The following PWWP2B variants were observed in gnomAD, a reference collection of about 807,000 sequenced individuals.
PWWP2B encodes PWWP domain-containing protein 2B.
A neutral mutation model predicts 15.5 loss-of-function variants in PWWP2B; 9 were observed. The ratio of observed to expected loss-of-function variants is 0.58; its 90% CI spans 0.35 to 1.02. The LOEUF is 1.02. PWWP2B is among the 50% of genes least tolerant of loss of function. The pLI, the probability that PWWP2B is intolerant of heterozygous loss-of-function variation, is 0.02. For missense variants in PWWP2B, 864 were observed against 865.3 expected (o/e 1.00, Z 0.02); for synonymous variants, 474 against 403.6 (o/e 1.17, Z -2.09).
chr10:132,405,348 A>G lies in PWWP2B; in HGVS notation c.848A>G (p.Gln283Arg). 2 of 1,611,630 alleles carry G rather than the reference A, an allele frequency of 1.2e-6. No individual in the cohort carries two copies. The highest frequency in any genetic ancestry group is 1.7e-6 in the Non-Finnish European group (2 of 1,179,318). Reference sequence around the variant, plus strand: ...GGCTCTCTGGAGCCCTTCCGTCCCCAGCAGGCCCCGCAGGACGACGGCAGC... The same window carrying G: ...GGCTCTCTGGAGCCCTTCCGTCCCCGGCAGGCCCCGCAGGACGACGGCAGC... ...VHGSLEPFRP[Q>R]QAPQDDGSQD... is the part of the protein sequence containing the mutation. The change falls in exon 2 of 3, where the codon CAG becomes CGG. Residue 283 changes from glutamine (Q) to arginine (R), a missense_variant. Gln to Arg is a conservative substitution (Grantham distance 43). This residue lies in a region of PWWP2B where 736 missense variants were observed against 687.7 expected (regional missense o/e 1.07). Transcript: ENST00000305233.
At chr10:132,415,463 G>A (rs1001595033) in intron 2 of PWWP2B, among the ~76,000 whole-genome samples, 94 of 109,398 alleles carry the variant, frequency 8.6e-4, no homozygotes, top group Non-Finnish European at 1.0e-3. Context: ...ACTCACACAC[G>A]CACTCTCACA....
In PWWP2B at chr10:132,406,017, C is replaced by T. The variant is rs768043921; in HGVS notation, c.1517C>T (p.Ala506Val). 1.2e-6 allele frequency: 2 copies of T among 1,613,714 alleles called. No homozygotes were observed. Among genetic ancestry groups the T allele is most frequent in the Non-Finnish European group, 1.7e-6 (2 of 1,180,020 alleles). The change falls in exon 2 of 3, where the codon GCG (alanine) becomes GTG (valine). Residue 506 changes from alanine (A) to valine (V), a missense_variant. Coordinates refer to ENST00000305233, the MANE Select transcript of PWWP2B (RefSeq NM_138499.4). ...GKIHGFPWWP[A>V]RVLDISLGQK... ...ATCCATGGTTTTCCTTGGTGGCCGGCGCGTGTTCTTGACATCAGTCTCGGC... is the reference window on the plus strand; with the variant it reads ...ATCCATGGTTTTCCTTGGTGGCCGGTGCGTGTTCTTGACATCAGTCTCGGC...
chr10:132,415,366 TCA>T (rs1228914366), intron 2 of PWWP2B, among the ~76,000 whole-genome samples: 7 of 130,598 alleles, frequency 5.4e-5, no homozygotes, highest in Non-Finnish European at 9.8e-5. Flanking sequence ...CCACTCACTG[TCA>T]CACACGTCAC....
intron 2 of PWWP2B, among the ~76,000 whole-genome samples, chr10:132,415,529 A>T (rs1590767933): frequency 1.3e-5 from 2 of 150,174 alleles, no homozygotes; most frequent in African/African-American, 2.5e-5. Context: ...ATCCACTGTC[A>T]CACACACGCA....
intron 1 of PWWP2B, among the ~76,000 whole-genome samples, chr10:132,402,218 T>A (rs2069623969): frequency 6.6e-6 from 1 of 152,240 alleles, no homozygotes; most frequent in Non-Finnish European, 1.5e-5. Context: ...GCTCCGTTTG[T>A]GGGGCCTCCT....
intron 1 of PWWP2B, 69 bp downstream of exon 1, chr10:132,397,420 C>T: frequency 8.7e-7 from 1 of 1,148,698 alleles, no homozygotes. Flanking sequence ...CGCCCGGAGA[C>T]CCGGGACCCG....
At position 132,402,989 on chromosome 10, in the gene PWWP2B, C is replaced by T. The variant is rs550353786; in HGVS notation, c.126-1637C>T. Reference sequence around the variant, plus strand: ...ACCTGGCTGGGACTGGTGAGGGCACCGCCCGGGACTGGCCTCCCTTTCTCG... The same window carrying T: ...ACCTGGCTGGGACTGGTGAGGGCACTGCCCGGGACTGGCCTCCCTTTCTCG... On this transcript the variant is annotated intron_variant, in intron 1 of 2. Coordinates refer to ENST00000305233, the MANE Select transcript of PWWP2B (RefSeq NM_138499.4). Among the ~76,000 whole-genome samples the T allele has an allele frequency of 8.5e-5, 13 of 152,366 alleles. 1 individual carries two copies. The highest frequency in any genetic ancestry group is 7.8e-4 in the Admixed American group (12 of 15,312).
At chr10:132,407,528 C>A (rs555225961) in intron 2 of PWWP2B, among the ~76,000 whole-genome samples, 100 of 152,318 alleles carry the variant, frequency 6.6e-4, no homozygotes, top group Non-Finnish European at 1.2e-3. Flanking sequence ...CTGCACCCTG[C>A]GTATTGGGGT....
In PWWP2B at chr10:132,405,511, C is replaced by G; in HGVS notation, c.1011C>G (p.Pro337=). The change falls in exon 2 of 3, where the codon CCC becomes CCG. Residue 337 remains proline (P), a synonymous_variant. Transcript: ENST00000305233. ...DLPPPKIRLK[P]HRLGDSEHEP... Reference sequence around the variant, plus strand: ...CGCCCCCTAAGATCCGCCTGAAGCCCCACCGTCTGGGGGACAGCGAGCACG... The same window carrying G: ...CGCCCCCTAAGATCCGCCTGAAGCCGCACCGTCTGGGGGACAGCGAGCACG... 1 of 1,603,906 alleles carries G rather than the reference C, an allele frequency of 6.2e-7. No individual in the cohort carries two copies. Among genetic ancestry groups the G allele is most frequent in the Non-Finnish European group, 8.5e-7 (1 of 1,179,406 alleles).
At chr10:132,397,584 G>C (rs923033638) in intron 1 of PWWP2B, among the ~76,000 whole-genome samples, 1 of 148,948 alleles carries the variant, frequency 6.7e-6, no homozygotes, top group Admixed American at 6.6e-5. Flanking sequence ...GCCGGGGCGG[G>C]CCGGGGCGGG....
At position 132,405,519 on chromosome 10, in the gene PWWP2B, T is replaced by C. The variant is rs2069683587; in HGVS notation, c.1019T>C (p.Leu340Pro). Residue 340 changes from leucine to proline, a missense_variant, in exon 2 of 3, where the codon CTG becomes CCG. Leu to Pro is a moderately conservative substitution (Grantham distance 98). This residue lies in a region of PWWP2B where 736 missense variants were observed against 687.7 expected (regional missense o/e 1.07). Transcript: ENST00000305233. ...AAGATCCGCCTGAAGCCCCACCGTC[T>C]GGGGGACAGCGAGCACGAGCCCGTG... Reference protein sequence around the residue: ...PPKIRLKPHRLGDSEHEPVYR... With the variant: ...PPKIRLKPHRPGDSEHEPVYR... 1 of 1,603,648 alleles carries C rather than the reference T, an allele frequency of 6.2e-7. No individual in the cohort carries two copies. The highest frequency in any genetic ancestry group is 8.5e-7 in the Non-Finnish European group (1 of 1,179,262).
Position 132,404,957 on chromosome 10 carries a change from C to T in PWWP2B, c.457C>T (p.Arg153Trp), listed in dbSNP as rs1237106360. 3.1e-6 allele frequency: 5 copies of T among 1,591,036 alleles called. No homozygotes were observed. Among genetic ancestry groups the T allele is most frequent in the African/African-American group, 1.3e-5 (1 of 74,612 alleles). ...PPPRTIKRTRRRLSRNRDPGR... is the reference protein window; with the variant it reads ...PPPRTIKRTRWRLSRNRDPGR... ...GCCCAGGACCATCAAGCGCACGCGG[C>T]GGCGTCTGTCCCGCAACCGCGACCC... The change falls in exon 2 of 3, where the codon CGG (arginine) becomes TGG (tryptophan). Residue 153 changes from arginine to tryptophan, a missense_variant. Arg to Trp is a moderately radical substitution (Grantham distance 101). Coordinates refer to ENST00000305233, the MANE Select transcript of PWWP2B (RefSeq NM_138499.4).
At chr10:132,404,571 G>A (rs1382841266) in intron 1 of PWWP2B, 55 bp from the exon 2 acceptor site, 46 of 1,482,214 alleles carry the variant, frequency 3.1e-5, no homozygotes, top group Non-Finnish European at 2.8e-6. Flanking sequence ...GCTGGTGCGG[G>A]TGGCAGATGT....
chr10:132,416,532 G>A (rs1849796369), intron 2 of PWWP2B, among the ~76,000 whole-genome samples: 1 of 152,150 alleles, frequency 6.6e-6, no homozygotes, highest in Non-Finnish European at 1.5e-5. Flanking sequence ...TGACACCTGG[G>A]GCTCCGCACA....
chr10:132,413,388 C>A (rs1377562513), intron 2 of PWWP2B, among the ~76,000 whole-genome samples: 1 of 152,210 alleles, frequency 6.6e-6, no homozygotes, highest in Non-Finnish European at 1.5e-5. Flanking sequence ...AGGGTGCCCG[C>A]GGGCGTCCCG....
At chr10:132,399,774 T>G (rs2069591374) in intron 1 of PWWP2B, among the ~76,000 whole-genome samples, 1 of 152,224 alleles carries the variant, frequency 6.6e-6, no homozygotes, top group Non-Finnish European at 1.5e-5. Context: ...TGTGGGTGAT[T>G]TGGGGACATG....
chr10:132,402,079 G>C (rs1195444981), intron 1 of PWWP2B, among the ~76,000 whole-genome samples: 1 of 152,260 alleles, frequency 6.6e-6, no homozygotes, highest in Non-Finnish European at 1.5e-5. Context: ...CCTGGGCACT[G>C]ATGCAGGTGT....
At chr10:132,404,099 G>T (rs1264798349) in intron 1 of PWWP2B, among the ~76,000 whole-genome samples, 1 of 151,860 alleles carries the variant, frequency 6.6e-6, no homozygotes, top group Non-Finnish European at 1.5e-5. Context: ...GCTCCTGCAG[G>T]GAGCTTTCTC....
Position 132,405,916 on chromosome 10 carries a change from G to GCA in PWWP2B, c.1423_1424dup (p.Gln475HisfsTer80). 1 of 1,612,770 alleles carries GCA rather than the reference G, an allele frequency of 6.2e-7. No individual in the cohort carries two copies. Among genetic ancestry groups the GCA allele is most frequent in the Non-Finnish European group, 8.5e-7 (1 of 1,179,728 alleles). On this transcript the variant is annotated frameshift_variant, in exon 2 of 3. Coordinates refer to ENST00000305233, the MANE Select transcript of PWWP2B (RefSeq NM_138499.4). LOFTEE classifies it low-confidence loss of function (END_TRUNC). ...CGGTGCCGCCCCTGACGGTCAGGCT[G>GCA]CACACACAGAGCGTGTCGGAGTGCA... is the stretch of plus-strand genomic sequence containing the variant.
Sources: allele counts gnomAD v4.1 joint callset (sites outside exome capture counted in the v4.1 genomes callset), GRCh38; gene constraint gnomAD v4.1.1; regional missense constraint gnomAD v4.1.1; transcripts MANE v1.5; gene names NCBI Gene and HGNC (gene_info 2026-07-23, HGNC 2026-07-21).